GALNT16: variants seen among roughly 807,000 people sequenced by gnomAD.
GALNT16 encodes the protein polypeptide N-acetylgalactosaminyltransferase 16, also known as UDP-GalNAc:polypeptide N-acetylgalactosaminyltransferase-like protein 1.
In GALNT16, 40 loss-of-function variants were observed where a neutral mutation model predicts 76.1. The ratio of observed to expected loss-of-function variants is 0.53; its 90% CI spans 0.41 to 0.68. The LOEUF (loss-of-function observed/expected upper bound fraction) is 0.68, where lower values mean the gene tolerates loss of function less well. Among genes scored for constraint, GALNT16 ranks in the 30% least tolerant of loss-of-function variants. The pLI, the probability that GALNT16 is intolerant of heterozygous loss-of-function variation, is 0.00. For synonymous variants in GALNT16, 276 were observed against 285.2 expected, an observed-to-expected ratio of 0.97 and a Z score of 0.32; for missense variants, 621 against 731.9, an observed-to-expected ratio of 0.85 and a Z score of 1.75.
chr14:69,333,549 C>T lies in GALNT16; in HGVS notation c.916C>T (p.His306Tyr), dbSNP rs571106161. ...IFVIDKSWFN[H>Y]LGKYDAQMDI... ...CGTGATCGACAAGTCCTGGTTTAACCACTTGGGAAAGTATGATGCCCAGAT... is the reference window on the plus strand; with the variant it reads ...CGTGATCGACAAGTCCTGGTTTAACTACTTGGGAAAGTATGATGCCCAGAT... Residue 306 changes from histidine (H) to tyrosine (Y), a missense_variant, in exon 9 of 15, where the codon CAC becomes TAC. Coordinates refer to ENST00000448469, the MANE Select transcript of GALNT16 (RefSeq NM_001168368.2). The surrounding 1 kb of genome is among the most constrained non-coding windows in gnomAD (Gnocchi z 4.2). The T allele has an allele frequency of 6.8e-6, 11 of 1,609,500 alleles. No individual in the cohort carries two copies. The African/African-American group carries it at 1.5e-4, about 22-fold the overall frequency.
chr14:69,312,592 T>A (rs1306398750), intron 1 of GALNT16, among the ~76,000 whole-genome samples: 1 of 152,232 alleles, frequency 6.6e-6, no homozygotes, highest in Non-Finnish European at 1.5e-5. Context: ...CTTGAGGGTG[T>A]CGCTGGCTGA....
At chr14:69,321,033 G>A (rs1285041933) in intron 2 of GALNT16, among the ~76,000 whole-genome samples, 165 bp downstream of exon 2, 1 of 152,222 alleles carries the variant, frequency 6.6e-6, no homozygotes, top group African/African-American at 2.4e-5. Context: ...TGGTTTACCT[G>A]GCCTACTGAG....
At chr14:69,285,688 T>C (rs1295818029) in intron 1 of GALNT16, among the ~76,000 whole-genome samples, 3 of 152,192 alleles carry the variant, frequency 2.0e-5, no homozygotes, top group Non-Finnish European at 4.4e-5. Flanking sequence ...TGTTTGACCC[T>C]CAGAGAAAGA....
the GALNT16 span, among the ~76,000 whole-genome samples, chr14:69,376,761 C>T: frequency 6.6e-6 from 1 of 152,076 alleles, no homozygotes; most frequent in Admixed American, 6.5e-5. Context: ...AAACATGGCC[C>T]TTATGTGATA....
intron 1 of GALNT16, among the ~76,000 whole-genome samples, chr14:69,277,806 TC>T (rs759651078): frequency 4.6e-5 from 7 of 152,232 alleles, no homozygotes; most frequent in Non-Finnish European, 1.0e-4. Context: ...CCCACTGTCT[TC>T]CACAATGGTT....
At chr14:69,371,957 AT>A in the GALNT16 span, among the ~76,000 whole-genome samples, 9 of 152,172 alleles carry the variant, frequency 5.9e-5, no homozygotes, top group Admixed American at 2.6e-4. Context: ...AAATAAAAAA[AT>A]AAATAATAAA....
intron 1 of GALNT16, among the ~76,000 whole-genome samples, chr14:69,295,340 GGGTGGTT>G (rs2044744549): frequency 6.6e-6 from 1 of 151,208 alleles, no homozygotes; most frequent in Admixed American, 6.6e-5. Context: ...GCTTGAGCCA[GGGTGGTT>G]GAGCCTGCAG....
chr14:69,384,617 A>ATTT, the GALNT16 span, among the ~76,000 whole-genome samples: 1 of 152,248 alleles, frequency 6.6e-6, no homozygotes, highest in Non-Finnish European at 1.5e-5. Context: ...AAAGACAACC[A>ATTT]TTAATTTTTA....
At chr14:69,312,189 T>C (rs1158764886) in intron 1 of GALNT16, among the ~76,000 whole-genome samples, 1 of 152,092 alleles carries the variant, frequency 6.6e-6, no homozygotes, top group Non-Finnish European at 1.5e-5. Flanking sequence ...AGTTTGAGGC[T>C]GCAGTGAGCT....
chr14:69,384,022 AGTTAT>A, the GALNT16 span, among the ~76,000 whole-genome samples: 19 of 152,254 alleles, frequency 1.2e-4, no homozygotes, highest in Admixed American at 9.8e-4. Flanking sequence ...AAGTTAGAAA[AGTTAT>A]GTTATGTCAT....
chr14:69,340,016 G>C (rs1481164818), intron 11 of GALNT16, among the ~76,000 whole-genome samples: 2 of 152,304 alleles, frequency 1.3e-5, no homozygotes, highest in South Asian at 2.1e-4. Flanking sequence ...GTCTAGTTAA[G>C]CATTTTCAAA....
chr14:69,341,851 C>T (rs2045491354), intron 12 of GALNT16, 87 bp downstream of exon 12: 1 of 782,166 alleles, frequency 1.3e-6, no homozygotes, highest in Non-Finnish European at 2.2e-6. Flanking sequence ...ACCCTTAGAT[C>T]TCCTCAACAC....
At chr14:69,303,670 C>T (rs1274435936) in intron 1 of GALNT16, among the ~76,000 whole-genome samples, 1 of 152,094 alleles carries the variant, frequency 6.6e-6, no homozygotes, top group African/African-American at 2.4e-5. Flanking sequence ...CCTAACAAAT[C>T]ACAGTTTTTA....
chr14:69,346,246 T>C (rs2045563283), intron 12 of GALNT16, among the ~76,000 whole-genome samples: 1 of 152,218 alleles, frequency 6.6e-6, no homozygotes, highest in Non-Finnish European at 1.5e-5. Context: ...TGAATCCGAA[T>C]TTATTTAGCC....
At position 69,260,463 on chromosome 14, in the gene GALNT16, T is replaced by G; in HGVS notation, c.173T>G (p.Leu58Arg). Reference sequence around the variant, plus strand: ...CTCCGCGAGGACCGCACCATCCCGCTCATTGTGAGTACGCCCCGAGCGTCG... The same window carrying G: ...CTCCGCGAGGACCGCACCATCCCGCGCATTGTGAGTACGCCCCGAGCGTCG... ...EQLREDRTIPLIVTGTPSKGF... is the reference protein window; with the variant it reads ...EQLREDRTIPRIVTGTPSKGF... Residue 58 changes from leucine to arginine, a missense_variant, in exon 1 of 15, where the codon CTC becomes CGC. Coordinates refer to ENST00000448469, the MANE Select transcript of GALNT16 (RefSeq NM_001168368.2). 1 of 1,485,478 alleles carries G rather than the reference T, an allele frequency of 6.7e-7. No homozygotes were observed. Among genetic ancestry groups the G allele is most frequent in the Non-Finnish European group, 8.9e-7 (1 of 1,119,066 alleles). The allele number at this position is 1,485,478 out of a possible 1,614,324, so 92.0% of individuals were successfully genotyped here.
chr14:69,347,217 G>A, intron 13 of GALNT16, 36 bp downstream of exon 13: 2 of 1,560,124 alleles, frequency 1.3e-6, no homozygotes, highest in Non-Finnish European at 1.7e-6. Flanking sequence ...GTGGGAGAGA[G>A]CTGGAGGCAT....
intron 1 of GALNT16, among the ~76,000 whole-genome samples, chr14:69,294,651 T>C (rs903244877): frequency 1.2e-4 from 19 of 152,192 alleles, no homozygotes; most frequent in Non-Finnish European, 2.9e-5. Flanking sequence ...ACTCTCTGTC[T>C]CCATGGATTT....
the GALNT16 span, among the ~76,000 whole-genome samples, chr14:69,378,237 T>C: frequency 6.6e-6 from 1 of 152,206 alleles, no homozygotes; most frequent in South Asian, 2.1e-4. Flanking sequence ...ACCTCTTAAA[T>C]CAAGCACTAC....
chr14:69,358,443 C>T (rs2045705871), downstream of GALNT16: 1 of 152,466 alleles, frequency 6.6e-6, no homozygotes, highest in Admixed American at 6.5e-5. Context: ...GCCTTGGCCT[C>T]CCTGGGGGTG....
Sources: allele counts gnomAD v4.1 joint callset (sites outside exome capture counted in the v4.1 genomes callset), GRCh38; gene constraint gnomAD v4.1.1; non-coding constraint Gnocchi (gnomAD v3.1); transcripts MANE v1.5; gene names NCBI Gene and HGNC (gene_info 2026-07-23, HGNC 2026-07-21).